CNTN3: variants seen among roughly 807,000 people sequenced by gnomAD.
The protein encoded by CNTN3 is contactin 3.
In CNTN3, 60 loss-of-function variants were observed where a neutral mutation model predicts 119.1. That is an observed-to-expected ratio of 0.50 (90% CI 0.41 to 0.62). CNTN3 has a LOEUF of 0.62. Among genes scored for constraint, CNTN3 ranks in the 20% least tolerant of loss-of-function variants. The pLI is 0.00. For synonymous variants in CNTN3, 450 were observed against 438.7 expected, an observed-to-expected ratio of 1.03 and a Z score of -0.32; for missense variants, 1,101 against 1,242.4, an observed-to-expected ratio of 0.89 and a Z score of 1.71.
At chr3:74,510,588 T>TAAAAC (rs1390184826) in intron 2 of CNTN3, among the ~76,000 whole-genome samples, 3 of 152,060 alleles carry the variant, frequency 2.0e-5, no homozygotes, top group Non-Finnish European at 4.4e-5. Flanking sequence ...CCTAAGACAT[T>TAAAAC]AAAACAAAAC....
intron 1 of CNTN3, among the ~76,000 whole-genome samples, chr3:74,577,612 C>G (rs1398713393): frequency 6.6e-6 from 1 of 152,112 alleles, no homozygotes; most frequent in Admixed American, 6.5e-5. Flanking sequence ...TCACCCAAAA[C>G]AGAAAGCCAT....
chr3:74,328,646 C>T (rs948115540), intron 13 of CNTN3, among the ~76,000 whole-genome samples: 8 of 152,122 alleles, frequency 5.3e-5, no homozygotes, highest in African/African-American at 7.2e-5. Context: ...AGCCCTTGGA[C>T]ATCAATCACA....
At chr3:74,420,247 T>A (rs1701595254) in intron 5 of CNTN3, among the ~76,000 whole-genome samples, 1 of 152,204 alleles carries the variant, frequency 6.6e-6, no homozygotes, top group Non-Finnish European at 1.5e-5. Flanking sequence ...AAAACAATTT[T>A]TTATTATTAT....
At chr3:74,279,092 T>C (rs948892507) in intron 20 of CNTN3, among the ~76,000 whole-genome samples, 2 of 151,912 alleles carry the variant, frequency 1.3e-5, no homozygotes, top group Admixed American at 6.6e-5. Context: ...TGGCCATCAA[T>C]AAAAAATCAA....
At chr3:74,427,250 G>A (rs968171021) in intron 4 of CNTN3, among the ~76,000 whole-genome samples, 1 of 152,160 alleles carries the variant, frequency 6.6e-6, no homozygotes. Flanking sequence ...GCACTTTGCT[G>A]AAAAGGTGGT....
At chr3:74,318,891 A>G (rs2106664204) in intron 13 of CNTN3, among the ~76,000 whole-genome samples, 1 of 152,310 alleles carries the variant, frequency 6.6e-6, no homozygotes, top group African/African-American at 2.4e-5. Flanking sequence ...GCTGTCAGAC[A>G]GGGAAATTTA....
intron 2 of CNTN3, among the ~76,000 whole-genome samples, chr3:74,519,682 T>C (rs999146841): frequency 1.3e-5 from 2 of 151,710 alleles, no homozygotes; most frequent in Non-Finnish European, 3.0e-5. Context: ...ACTTTATAAA[T>C]GAAGAAAAGA....
At chr3:74,281,267 A>G (rs958475021) in intron 20 of CNTN3, among the ~76,000 whole-genome samples, 1 of 152,114 alleles carries the variant, frequency 6.6e-6, no homozygotes, top group African/African-American at 2.4e-5. Flanking sequence ...TCTACAGGAG[A>G]GAGTTGGAGG....
intron 1 of CNTN3, among the ~76,000 whole-genome samples, chr3:74,549,749 G>C (rs1400340537): frequency 6.6e-6 from 1 of 152,158 alleles, no homozygotes; most frequent in African/African-American, 2.4e-5. Context: ...GCAGATTAAG[G>C]TGGTGTGCAA....
intron 5 of CNTN3, among the ~76,000 whole-genome samples, chr3:74,421,274 T>C (rs544048341): frequency 6.6e-6 from 1 of 152,180 alleles, no homozygotes; most frequent in Non-Finnish European, 1.5e-5. Flanking sequence ...GCTCAAGCAA[T>C]CCTCCCACCT....
intron 4 of CNTN3, among the ~76,000 whole-genome samples, chr3:74,433,201 G>T (rs996839197): frequency 6.6e-6 from 1 of 152,068 alleles, no homozygotes; most frequent in Non-Finnish European, 1.5e-5. Flanking sequence ...GGTATACACA[G>T]GCTCCCAACC....
intron 1 of CNTN3, among the ~76,000 whole-genome samples, chr3:74,557,322 G>C (rs1380690793): frequency 1.3e-5 from 2 of 152,100 alleles, no homozygotes; most frequent in Admixed American, 1.3e-4. Context: ...AATAGTGTGA[G>C]GTAGTGGTCC....
chr3:74,381,446 C>A (rs1179492365), intron 5 of CNTN3, among the ~76,000 whole-genome samples: 6 of 152,066 alleles, frequency 3.9e-5, no homozygotes, highest in African/African-American at 1.4e-4. Context: ...GCCCTTCAAA[C>A]CAGTAGGTCT....
At chr3:74,541,036 C>T (rs1337927040) in intron 1 of CNTN3, among the ~76,000 whole-genome samples, 1 of 152,048 alleles carries the variant, frequency 6.6e-6, no homozygotes, top group South Asian at 2.1e-4. Flanking sequence ...AAATCTCACA[C>T]TCTAGGTAAA....
intron 5 of CNTN3, among the ~76,000 whole-genome samples, chr3:74,380,151 G>T (rs1704578890): frequency 6.6e-6 from 1 of 152,168 alleles, no homozygotes; most frequent in Non-Finnish European, 1.5e-5. Context: ...GTATCAAAAT[G>T]TACCTTTTCA....
intron 13 of CNTN3, among the ~76,000 whole-genome samples, chr3:74,314,466 T>C (rs947198741): frequency 1.3e-5 from 2 of 152,128 alleles, no homozygotes; most frequent in Non-Finnish European, 1.5e-5. Context: ...GCGAAATATA[T>C]ACTATGATTG....
intron 3 of CNTN3, among the ~76,000 whole-genome samples, chr3:74,488,934 T>C (rs1277609355): frequency 6.6e-6 from 1 of 152,216 alleles, no homozygotes; most frequent in East Asian, 1.9e-4. Context: ...CAAGTCCATA[T>C]CTCATGAACA....
intron 1 of CNTN3, among the ~76,000 whole-genome samples, chr3:74,542,048 C>T (rs894302218): frequency 6.6e-6 from 1 of 151,940 alleles, no homozygotes; most frequent in African/African-American, 2.4e-5. Context: ...GCCTGGACAA[C>T]ATAGCAAGAC....
At chr3:74,429,429 A>G (rs1349972015) in intron 4 of CNTN3, among the ~76,000 whole-genome samples, 2 of 134,138 alleles carry the variant, frequency 1.5e-5, no homozygotes, top group Non-Finnish European at 3.4e-5. Context: ...ATGCAATTCA[A>G]TGGAAGGAGA....
Sources: gnomAD v4.1 joint callset for allele counts (sites outside exome capture counted in the v4.1 genomes callset) on GRCh38, gnomAD v4.1.1 for gene constraint, MANE v1.5 for transcripts, NCBI Gene and HGNC (gene_info 2026-07-23, HGNC 2026-07-21) for gene names.